The following MAN1A2 variants were observed in gnomAD, a reference collection of about 807,000 sequenced individuals.
MAN1A2 encodes the protein mannosidase alpha class 1A member 2.
Under a neutral mutation model 75.7 loss-of-function variants are expected in MAN1A2, and 26 were observed. The observed-to-expected ratio is 0.34, with a 90% confidence interval of 0.25 to 0.48. MAN1A2 has a LOEUF of 0.48. Ranked by LOEUF, MAN1A2 falls within the 20% of genes least tolerant of loss-of-function variation. The pLI, the probability that MAN1A2 is intolerant of heterozygous loss-of-function variation, is 0.99. For missense variants in MAN1A2, 562 were observed against 775.5 expected (o/e 0.72, Z 3.27); for synonymous variants, 247 against 264.6 (o/e 0.93, Z 0.65).
intron 12 of MAN1A2, among the ~76,000 whole-genome samples, chr1:117,519,428 C>A (rs1651809631): frequency 6.6e-6 from 1 of 151,776 alleles, no homozygotes; most frequent in Admixed American, 6.6e-5. Flanking sequence ...ATTGATAGAC[C>A]ATTAGCAAGA....
intron 1 of MAN1A2, among the ~76,000 whole-genome samples, chr1:117,395,000 C>G (rs963730120): frequency 6.6e-6 from 1 of 152,146 alleles, no homozygotes; most frequent in Admixed American, 6.5e-5. Context: ...TTTTATGTAT[C>G]CCTATGTAAA....
At chr1:117,423,455 A>G (rs890709818) in intron 5 of MAN1A2, among the ~76,000 whole-genome samples, 1 of 152,154 alleles carries the variant, frequency 6.6e-6, no homozygotes, top group Admixed American at 6.5e-5. Flanking sequence ...ATTTTGAGTG[A>G]TTTGACATCT....
At position 117,402,360 on chromosome 1, in the gene MAN1A2, C is replaced by A; in HGVS notation, c.477C>A (p.Val159=). The A allele has an allele frequency of 6.2e-7, 1 of 1,613,632 alleles. No individual in the cohort carries two copies. Among genetic ancestry groups the A allele is most frequent in the Non-Finnish European group, 8.5e-7 (1 of 1,179,682 alleles). Residue 159 remains valine, a synonymous_variant, in exon 2 of 13, where the codon GTC becomes GTA. Coordinates refer to ENST00000356554, the MANE Select transcript of MAN1A2 (RefSeq NM_006699.5). ...KIKENKPLPP[V]PIPNLVGIRG... ...AAGAGAACAAGCCACTGCCACCAGT[C>A]CCTATTCCCAACCTTGTAGGAATAC...
chr1:117,463,071 TCTGA>T (rs1361321663), intron 7 of MAN1A2, among the ~76,000 whole-genome samples: 1 of 151,666 alleles, frequency 6.6e-6, no homozygotes, highest in Non-Finnish European at 1.5e-5. Context: ...TTTTCCCTGT[TCTGA>T]CTAAATAAAT....
chr1:117,521,826 T>C (rs1023919109), intron 12 of MAN1A2, among the ~76,000 whole-genome samples: 14 of 152,004 alleles, frequency 9.2e-5, no homozygotes, highest in African/African-American at 3.4e-4. Flanking sequence ...GTGGTATATT[T>C]ATACGATGGA....
intron 5 of MAN1A2, among the ~76,000 whole-genome samples, chr1:117,437,458 A>G (rs1323490808): frequency 1.3e-5 from 2 of 152,188 alleles, no homozygotes; most frequent in Non-Finnish European, 2.9e-5. Context: ...ATAAAAGACA[A>G]AGAGGTATAC....
intron 5 of MAN1A2, among the ~76,000 whole-genome samples, chr1:117,439,041 G>C (rs1648939796): frequency 6.6e-6 from 1 of 152,232 alleles, no homozygotes. Context: ...AAGGAGATTA[G>C]TGGGTGAGGA....
At chr1:117,376,959 A>G (rs1237775442) in intron 1 of MAN1A2, among the ~76,000 whole-genome samples, 1 of 151,822 alleles carries the variant, frequency 6.6e-6, no homozygotes, top group African/African-American at 2.4e-5. Flanking sequence ...CAAATACTAC[A>G]GTATTTTATA....
At chr1:117,397,545 T>A (rs1431301121) in intron 1 of MAN1A2, among the ~76,000 whole-genome samples, 1 of 151,906 alleles carries the variant, frequency 6.6e-6, no homozygotes, top group Non-Finnish European at 1.5e-5. Flanking sequence ...TATTAAGGGG[T>A]CTCACCATAA....
chr1:117,401,570 T>C (rs1230335704), intron 1 of MAN1A2, among the ~76,000 whole-genome samples: 1 of 152,156 alleles, frequency 6.6e-6, no homozygotes, highest in Non-Finnish European at 1.5e-5. Context: ...TTTCCAAATC[T>C]GTGTGTACAC....
At chr1:117,476,700 G>A (rs138968623) in intron 8 of MAN1A2, among the ~76,000 whole-genome samples, 1 of 151,796 alleles carries the variant, frequency 6.6e-6, no homozygotes, top group Non-Finnish European at 1.5e-5. Flanking sequence ...GGCCTCTGTT[G>A]TGTTTCATTG....
Position 117,452,156 on chromosome 1 carries a change from A to G in MAN1A2, c.951-8333A>G, listed in dbSNP as rs140234999. Among the ~76,000 whole-genome samples the G allele has an allele frequency of 6.6e-3, 981 of 147,526 alleles. 5 individuals are homozygous for G. The highest frequency in any genetic ancestry group is 0.023 in the African/African-American group (925 of 39,738). ...ACCCCATCTTTACTAAAAATACAGAAACTCGCTGGGCATGGTGGTGCATGC... is the reference window on the plus strand; with the variant it reads ...ACCCCATCTTTACTAAAAATACAGAGACTCGCTGGGCATGGTGGTGCATGC... On this transcript the variant is annotated intron_variant, in intron 6 of 12. Transcript: ENST00000356554.
At chr1:117,484,858 C>T (rs192069992) in intron 8 of MAN1A2, among the ~76,000 whole-genome samples, 5 of 151,968 alleles carry the variant, frequency 3.3e-5, no homozygotes, top group Admixed American at 2.0e-4. Context: ...GTTATTCATT[C>T]GTGACACACT....
chr1:117,444,116 T>G (rs1649132057), intron 6 of MAN1A2, among the ~76,000 whole-genome samples: 1 of 152,152 alleles, frequency 6.6e-6, no homozygotes, highest in African/African-American at 2.4e-5. Context: ...CTTTTCTGCT[T>G]CTTATCTTTC....
At chr1:117,518,929 G>C (rs1465388667) in intron 12 of MAN1A2, among the ~76,000 whole-genome samples, 1 of 152,020 alleles carries the variant, frequency 6.6e-6, no homozygotes, top group Non-Finnish European at 1.5e-5. Context: ...TAGACCATAT[G>C]ATAAGCCATA....
intron 8 of MAN1A2, among the ~76,000 whole-genome samples, chr1:117,474,258 C>T (rs1650248893): frequency 6.6e-6 from 1 of 151,986 alleles, no homozygotes; most frequent in Non-Finnish European, 1.5e-5. Context: ...CTCGTATCAA[C>T]CCAGCCACCT....
rs140246460 is a variant in MAN1A2 at position 117,408,218 on chromosome 1, A to G, written c.655+2573A>G. ...CGCCTGGGGCCAGGAGTCCAAGGCTATGGGGCACCATGATCATGATGCCTG... is the reference window on the plus strand; with the variant it reads ...CGCCTGGGGCCAGGAGTCCAAGGCTGTGGGGCACCATGATCATGATGCCTG... On this transcript the variant is annotated intron_variant, in intron 3 of 12. Transcript: ENST00000356554. Among the ~76,000 whole-genome samples the G allele has an allele frequency of 6.3e-3, 944 of 151,036 alleles. 7 individuals are homozygous for G. The highest frequency in any genetic ancestry group is 0.022 in the African/African-American group (899 of 41,178).
chr1:117,455,850 T>G (rs1195735801), intron 6 of MAN1A2, among the ~76,000 whole-genome samples: 1 of 151,936 alleles, frequency 6.6e-6, no homozygotes, highest in East Asian at 1.9e-4. Context: ...ATGAGTATAT[T>G]ACATATCCTC....
intron 8 of MAN1A2, among the ~76,000 whole-genome samples, chr1:117,467,717 T>C (rs1650024243): frequency 6.6e-6 from 1 of 152,122 alleles, no homozygotes; most frequent in South Asian, 2.1e-4. Flanking sequence ...AGTGACTGGA[T>C]TGGATGTCTA....
Sources: gnomAD v4.1 joint callset for allele counts (sites outside exome capture counted in the v4.1 genomes callset) on GRCh38, gnomAD v4.1.1 for gene constraint, MANE v1.5 for transcripts, NCBI Gene and HGNC (gene_info 2026-07-23, HGNC 2026-07-21) for gene names.